Variants in PLEKHM2 observed in about 807,000 individuals in gnomAD.
PLEKHM2 encodes the protein pleckstrin homology and RUN domain containing M2.
A neutral mutation model predicts 116.3 loss-of-function variants in PLEKHM2; 77 were observed. That is an observed-to-expected ratio of 0.66 (90% CI 0.55 to 0.80). The LOEUF (loss-of-function observed/expected upper bound fraction) is 0.80, where lower values mean the gene tolerates loss of function less well. PLEKHM2 is among the 30% of genes least tolerant of loss of function. PLEKHM2 has a pLI of 0.00. For missense variants in PLEKHM2, 1,183 were observed against 1,354.9 expected (o/e 0.87, Z 1.99); for synonymous variants, 562 against 571.0 (o/e 0.98, Z 0.22).
rs1434033803 is a variant in PLEKHM2 at position 15,728,463 on chromosome 1, C to T, written c.1921+106C>T. ...GAGTGCCTCCCGGCTGCCTGGCATG[C>T]AGTGATGGAAAGGCACCCCAAGGAA... On this transcript the variant is annotated intron_variant, in intron 11 of 19. Coordinates refer to ENST00000375799, the MANE Select transcript of PLEKHM2 (RefSeq NM_015164.4). The surrounding 1 kb of genome is among the most constrained non-coding windows in gnomAD (Gnocchi z 5.9). 1.8e-6 allele frequency: 2 copies of T among 1,135,824 alleles called. No individual in the cohort carries two copies. The highest frequency in any genetic ancestry group is 2.5e-5 in the East Asian group (1 of 39,754). 70.4% of individuals were successfully genotyped at this position (1,135,824 alleles called of 1,614,324 possible).
rs764064755 is a variant in PLEKHM2 at position 15,717,988 on chromosome 1, G to A, written c.373G>A (p.Val125Ile). 6.3e-6 allele frequency: 10 copies of A among 1,577,326 alleles called. No individual in the cohort carries two copies. Among genetic ancestry groups the A allele is most frequent in the South Asian group, 2.3e-5 (2 of 86,774 alleles). Reference sequence around the variant, plus strand: ...CCTGGGCCTGCTGCATAAGTACTACGTCAAGTGAGTGTCTGGGACGGTCTG... The same window carrying A: ...CCTGGGCCTGCTGCATAAGTACTACATCAAGTGAGTGTCTGGGACGGTCTG... Reference protein sequence around the residue: ...ENLGLLHKYYVKNALVCSHDH... With the variant: ...ENLGLLHKYYIKNALVCSHDH... The change falls in exon 4 of 20, where the codon GTC becomes ATC. Residue 125 changes from valine (V) to isoleucine (I), a missense_variant. This residue lies in a region of PLEKHM2 where 217 missense variants were observed against 277.6 expected (regional missense o/e 0.78). Transcript: ENST00000375799.
rs1557657892 is a variant in PLEKHM2 at position 15,725,314 on chromosome 1, C to G, written c.713-3C>G. 6.5e-7 allele frequency: 1 copy of G among 1,548,472 alleles called. No homozygotes were observed. On this transcript the variant is annotated splice_region_variant and splice_polypyrimidine_tract_variant and intron_variant, in intron 7 of 19. Transcript: ENST00000375799. ...GGTGTCTCCTGCTTCCTTGTCCTCC[C>G]AGATGGAGACCTCACAGACACGGTC...
chr1:15,699,830 G>C (rs1373119234), intron 1 of PLEKHM2, among the ~76,000 whole-genome samples: 1 of 151,770 alleles, frequency 6.6e-6, no homozygotes, highest in Admixed American at 6.6e-5. Context: ...ATCTAGGAGA[G>C]TAGGCTGGGC....
intron 1 of PLEKHM2, among the ~76,000 whole-genome samples, chr1:15,695,880 C>A (rs1640985935): frequency 6.6e-6 from 1 of 151,470 alleles, no homozygotes; most frequent in Non-Finnish European, 1.5e-5. Context: ...CAGCTCACTG[C>A]AGCCTCGACC....
chr1:15,696,642 C>T (rs1300753338), intron 1 of PLEKHM2, among the ~76,000 whole-genome samples: 2 of 152,220 alleles, frequency 1.3e-5, no homozygotes, highest in Admixed American at 6.5e-5. Flanking sequence ...TGAGCCACCG[C>T]GCCTGGGCAC....
Position 15,716,288 on chromosome 1 carries a change from C to G in PLEKHM2, c.112C>G (p.His38Asp). 6.2e-7 allele frequency: 1 copy of G among 1,608,194 alleles called. No homozygotes were observed. The highest frequency in any genetic ancestry group is 1.1e-5 in the South Asian group (1 of 89,894). The part of the protein sequence containing the change: ...CEDEIPAIRN[H>D]DKVLQRLCEH... ...GGATGAGATCCCTGCCATCCGGAAC[C>G]ATGACAAGGTCCTACAGCGTCTGTG... The change falls in exon 2 of 20, where the codon CAT becomes GAT. Residue 38 changes from histidine (H) to aspartate (D), a missense_variant. Physicochemically the swap from His to Asp is moderately conservative, Grantham distance 81. Coordinates refer to ENST00000375799, the MANE Select transcript of PLEKHM2 (RefSeq NM_015164.4).
At chr1:15,712,020 A>G (rs1334908813) in intron 1 of PLEKHM2, among the ~76,000 whole-genome samples, 1 of 148,840 alleles carries the variant, frequency 6.7e-6, no homozygotes, top group Non-Finnish European at 1.5e-5. Context: ...CAGGAGGCTG[A>G]GGCAGGAGAA....
chr1:15,715,831 C>T (rs34958034), intron 1 of PLEKHM2, among the ~76,000 whole-genome samples: 33,710 of 152,148 alleles, frequency 0.22, 4,272 homozygotes, highest in African/African-American at 0.33. Context: ...ATACGTCTAG[C>T]GCTCTCTGTA....
At chr1:15,725,194 C>T in intron 7 of PLEKHM2, 123 bp from the exon 8 acceptor site, 2 of 678,372 alleles carry the variant, frequency 2.9e-6, no homozygotes, top group South Asian at 1.8e-5. Context: ...TGGGGCCACC[C>T]CTGTCAGGTT....
chr1:15,704,363 A>C (rs1380086253), intron 1 of PLEKHM2, among the ~76,000 whole-genome samples: 21 of 115,636 alleles, frequency 1.8e-4, no homozygotes, highest in African/African-American at 3.5e-4. Context: ...CACTTCCCTC[A>C]CCCCCTCTTC....
chr1:15,694,946 C>T (rs186953116), intron 1 of PLEKHM2, among the ~76,000 whole-genome samples: 4 of 152,084 alleles, frequency 2.6e-5, no homozygotes, highest in Admixed American at 1.3e-4. Flanking sequence ...TTAGTAGAGA[C>T]GGGGTTTCAT....
At chr1:15,682,185 G>C (rs1223669165), upstream of PLEKHM2, among the ~76,000 whole-genome samples, 1 of 151,950 alleles carries the variant, frequency 6.6e-6, no homozygotes, top group African/African-American at 2.4e-5. Context: ...GACAGAGTGA[G>C]ACCCTGTCTT....
chr1:15,724,266 C>G (rs555215509), intron 7 of PLEKHM2, among the ~76,000 whole-genome samples: 1 of 152,118 alleles, frequency 6.6e-6, no homozygotes, highest in Admixed American at 6.5e-5. Flanking sequence ...GGGCAGATCA[C>G]GAGGTCAGGA....
At chr1:15,710,212 G>A (rs1641304253) in intron 1 of PLEKHM2, among the ~76,000 whole-genome samples, 1 of 142,300 alleles carries the variant, frequency 7.0e-6, no homozygotes, top group Non-Finnish European at 1.5e-5. Flanking sequence ...GGGCGACAGA[G>A]CGAGACTCCA....
At chr1:15,685,467 TTCTC>T (rs1241458914) in intron 1 of PLEKHM2, among the ~76,000 whole-genome samples, 1 of 151,234 alleles carries the variant, frequency 6.6e-6, no homozygotes, top group South Asian at 2.1e-4. Flanking sequence ...GAATGGATTT[TTCTC>T]TCTCTCTCCC....
At chr1:15,681,916 C>T (rs747692488), upstream of PLEKHM2, among the ~76,000 whole-genome samples, 2 of 152,162 alleles carry the variant, frequency 1.3e-5, no homozygotes, top group African/African-American at 4.8e-5. Flanking sequence ...AATAAGAAAA[C>T]GCCCTGGGCT....
intron 1 of PLEKHM2, among the ~76,000 whole-genome samples, chr1:15,703,160 G>A (rs778710804): frequency 1.8e-4 from 28 of 152,158 alleles, no homozygotes; most frequent in Non-Finnish European, 4.0e-4. Flanking sequence ...GTTACCTGGC[G>A]GCCTTCTCCC....
chr1:15,707,467 A>G (rs1037755480), intron 1 of PLEKHM2, among the ~76,000 whole-genome samples: 1 of 152,182 alleles, frequency 6.6e-6, no homozygotes, highest in African/African-American at 2.4e-5. Flanking sequence ...AAGCAGCCAC[A>G]GGTGACACGT....
chr1:15,682,639 AAAAC>A (rs1205097286), upstream of PLEKHM2, among the ~76,000 whole-genome samples: 1 of 87,618 alleles, frequency 1.1e-5, no homozygotes, highest in Non-Finnish European at 2.3e-5. Context: ...AAAACAAAAC[AAAAC>A]AAAAAAAACA....
Sources: allele counts gnomAD v4.1 joint callset (sites outside exome capture counted in the v4.1 genomes callset), GRCh38; gene constraint gnomAD v4.1.1; regional missense constraint gnomAD v4.1.1; non-coding constraint Gnocchi (gnomAD v3.1); transcripts MANE v1.5; gene names NCBI Gene and HGNC (gene_info 2026-07-23, HGNC 2026-07-21).